The following ARAP2 variants were observed in gnomAD, a reference collection of about 807,000 sequenced individuals.
The protein encoded by ARAP2 is ArfGAP with RhoGAP domain, ankyrin repeat and PH domain 2, also known as arf-GAP with Rho-GAP domain, ANK repeat and PH domain-containing protein 2.
ARAP2 carries 148 observed loss-of-function variants against 194.5 expected under a neutral mutation model. That is an observed-to-expected ratio of 0.76 (90% CI 0.67 to 0.87). The LOEUF (loss-of-function observed/expected upper bound fraction) is 0.87, where lower values mean the gene tolerates loss of function less well. Ranked by LOEUF, ARAP2 falls within the 40% of genes least tolerant of loss-of-function variation. The pLI, the probability that ARAP2 is intolerant of heterozygous loss-of-function variation, is 0.00. For missense variants in ARAP2, 2,128 were observed against 1,989.7 expected (o/e 1.07, Z -1.32); for synonymous variants, 695 against 683.5 (o/e 1.02, Z -0.26).
chr4:36,117,195 A>C, intron 24 of ARAP2, 60 bp from the exon 25 acceptor site: 1 of 1,233,470 alleles, frequency 8.1e-7, no homozygotes, highest in East Asian at 2.6e-5. Context: ...CACATATTTG[A>C]AACTGAAGAC....
chr4:36,015,311 A>G (rs1437622074), intron 8 of ARAP2: 1 of 152,242 alleles, frequency 6.6e-6, no homozygotes, highest in Non-Finnish European at 1.5e-5. Context: ...AACAACATCA[A>G]GTTTATTGAG....
intron 10 of ARAP2, among the ~76,000 whole-genome samples, chr4:36,166,675 A>T (rs903655340): frequency 6.6e-6 from 1 of 151,958 alleles, no homozygotes; most frequent in African/African-American, 2.4e-5. Flanking sequence ...AAAAACATAC[A>T]CCATGCCTAG....
At chr4:36,088,740 A>G (rs1178302400) in intron 28 of ARAP2, among the ~76,000 whole-genome samples, 1 of 152,098 alleles carries the variant, frequency 6.6e-6, no homozygotes, top group Non-Finnish European at 1.5e-5. Context: ...CAGAGAAAGT[A>G]ATTAAAGCAC....
intron 8 of ARAP2, among the ~76,000 whole-genome samples, chr4:36,178,718 TATA>T (rs1738540496): frequency 6.6e-6 from 1 of 152,196 alleles, no homozygotes; most frequent in Non-Finnish European, 1.5e-5. Context: ...AACACAGTAG[TATA>T]AACGTCATAT....
intron 27 of ARAP2, among the ~76,000 whole-genome samples, chr4:36,093,619 C>T (rs1188320863): frequency 6.6e-6 from 1 of 151,948 alleles, no homozygotes; most frequent in African/African-American, 2.4e-5. Context: ...GAGATTAAAA[C>T]TCAACTTAAA....
intron 25 of ARAP2, among the ~76,000 whole-genome samples, chr4:36,116,286 T>C (rs1456935571): frequency 6.6e-6 from 1 of 151,910 alleles, no homozygotes; most frequent in Non-Finnish European, 1.5e-5. Context: ...TCTAATGTTG[T>C]GACTGTTTAA....
intron 5 of ARAP2, among the ~76,000 whole-genome samples, chr4:36,042,956 C>T (rs1219929614): frequency 2.6e-5 from 4 of 152,050 alleles, no homozygotes; most frequent in Non-Finnish European, 2.9e-5. Flanking sequence ...AATTCTCCTG[C>T]CTCAGCCTAC....
At chr4:36,120,588 T>C (rs527812470) in intron 23 of ARAP2, among the ~76,000 whole-genome samples, 112 of 151,726 alleles carry the variant, frequency 7.4e-4, no homozygotes, top group African/African-American at 2.7e-3. Flanking sequence ...AATCCACCAA[T>C]TTGAATCCTG....
chr4:36,128,682 T>C lies in ARAP2; in HGVS notation c.3491A>G (p.Glu1164Gly). The C allele has an allele frequency of 6.2e-7, 1 of 1,612,828 alleles. No individual in the cohort carries two copies. The highest frequency in any genetic ancestry group is 8.5e-7 in the Non-Finnish European group (1 of 1,179,378). The change falls in exon 21 of 33, where the codon GAG becomes GGG. Residue 1164 changes from glutamate (E) to glycine (G), a missense_variant. Glu to Gly is a moderately conservative substitution (Grantham distance 98). Transcript: ENST00000303965. ...GCTTCTTGCATCCTTTTTGAAACTC[T>C]CCAGGAGTTCACTTATATGCAAAGG... ...GDPLHISELL[E>G]SFKKDARSFK... is the part of the protein sequence containing the mutation.
chr4:36,071,693 ATTTT>A (rs55918222), intron 32 of ARAP2, among the ~76,000 whole-genome samples: 43 of 147,230 alleles, frequency 2.9e-4, no homozygotes, highest in African/African-American at 1.0e-3. Context: ...TTTTTTTTTA[ATTTT>A]TTTTCTTTTT....
At chr4:36,032,444 T>A (rs1719142967) in intron 5 of ARAP2, among the ~76,000 whole-genome samples, 1 of 152,204 alleles carries the variant, frequency 6.6e-6, no homozygotes, top group African/African-American at 2.4e-5. Flanking sequence ...CAGTAGGTGA[T>A]CATACTTAAA....
At chr4:36,172,228 T>C (rs1184312291) in intron 9 of ARAP2, among the ~76,000 whole-genome samples, 1 of 152,220 alleles carries the variant, frequency 6.6e-6, no homozygotes, top group Admixed American at 6.5e-5. Flanking sequence ...ACAATGACCA[T>C]GTAGGCACTG....
chr4:36,089,883 A>C (rs2109378363), intron 28 of ARAP2, among the ~76,000 whole-genome samples: 1 of 152,132 alleles, frequency 6.6e-6, no homozygotes, highest in Admixed American at 6.6e-5. Flanking sequence ...GACTATTAGT[A>C]CACCTATTAA....
chr4:36,156,510 GAGGAAGGA>G (rs56696370), intron 15 of ARAP2, among the ~76,000 whole-genome samples: 1 of 143,986 alleles, frequency 6.9e-6, no homozygotes, highest in African/African-American at 2.6e-5. Flanking sequence ...AGGAAGGAGG[GAGGAAGGA>G]AGGAAGGAAG....
Position 36,128,650 on chromosome 4 carries a change from A to G in ARAP2, c.3523T>C (p.Leu1175=), listed in dbSNP as rs979124139. The G allele has an allele frequency of 1.9e-6, 3 of 1,612,896 alleles. No individual in the cohort carries two copies. In the African/African-American group the frequency reaches 4.0e-5, roughly 22 times the overall value. The stretch of plus-strand genomic sequence containing the variant: ...TCAAGCTGATGTTTTCCAGCCCTCA[A>G]TTTAAAGCTTCTTGCATCCTTTTTG... ...SFKKDARSFK[L]RAGKHQLEDV... Residue 1175 remains leucine (L), a synonymous_variant, in exon 21 of 33, where the codon TTG becomes CTG. Coordinates refer to ENST00000303965, the MANE Select transcript of ARAP2 (RefSeq NM_015230.4).
intron 32 of ARAP2, 124 bp downstream of exon 32, chr4:36,073,565 T>C: frequency 1.8e-6 from 2 of 1,127,944 alleles, no homozygotes; most frequent in Non-Finnish European, 2.5e-6. Context: ...ATTATTACCA[T>C]GCTTTACAAA....
At chr4:36,177,739 G>T in intron 9 of ARAP2, 88 bp downstream of exon 9, 1 of 1,336,870 alleles carries the variant, frequency 7.5e-7, no homozygotes, top group Non-Finnish European at 1.0e-6. Context: ...GACTCTATAA[G>T]TAAAATCACT....
chr4:36,230,633 T>G (rs761105269), intron 1 of ARAP2, among the ~76,000 whole-genome samples: 1 of 152,194 alleles, frequency 6.6e-6, no homozygotes, highest in African/African-American at 2.4e-5. Flanking sequence ...TGTGTTCAGT[T>G]TATGAAAATG....
intron 15 of ARAP2, among the ~76,000 whole-genome samples, chr4:36,152,266 A>C (rs1175633338): frequency 1.3e-5 from 2 of 152,226 alleles, no homozygotes; most frequent in African/African-American, 4.8e-5. Flanking sequence ...ATTCCTGGTC[A>C]AAGGTGAAAT....
Sources: allele counts gnomAD v4.1 joint callset (sites outside exome capture counted in the v4.1 genomes callset), GRCh38; gene constraint gnomAD v4.1.1; transcripts MANE v1.5; gene names NCBI Gene and HGNC (gene_info 2026-07-23, HGNC 2026-07-21).